Variants in PREPL observed in about 807,000 individuals in gnomAD.
PREPL encodes prolyl endopeptidase-like.
A neutral mutation model predicts 70.6 loss-of-function variants in PREPL; 77 were observed. That is an observed-to-expected ratio of 1.09 (90% CI 0.91 to 1.32). PREPL has a LOEUF of 1.32. PREPL is among the 40% of genes most tolerant of loss of function. PREPL has a pLI of 0.00. For missense variants in PREPL, 1,002 were observed against 778.2 expected (o/e 1.29, Z -3.42); for synonymous variants, 315 against 264.8 (o/e 1.19, Z -1.84).
intron 1 of PREPL, among the ~76,000 whole-genome samples, chr2:44,352,709 T>G (rs1387509727): frequency 6.6e-6 from 1 of 152,096 alleles, no homozygotes; most frequent in Non-Finnish European, 1.5e-5. Flanking sequence ...ATTTGCTGAG[T>G]TGAATAAAAT....
chr2:44,317,729 GAAA>G lies in PREPL; in HGVS notation c.*3624_*3626del, dbSNP rs1029534284. ...TTCAAATTTTCAAAGAATACTAGAAGAAAAAAATTATACAGTCAATCCAACAAA... is the reference window on the plus strand; with the variant it reads ...TTCAAATTTTCAAAGAATACTAGAAGAAAATTATACAGTCAATCCAACAAA... On this transcript the variant is annotated 3_prime_UTR_variant, in exon 14 of 14. Transcript: ENST00000409411. 3 of 151,408 alleles carry G rather than the reference GAAA, an allele frequency of 2.0e-5. No individual in the cohort carries two copies. The highest frequency in any genetic ancestry group is 4.4e-5 in the Non-Finnish European group (3 of 67,990). The allele number at this position is 151,408 out of a possible 1,614,324, so 9.4% of individuals were successfully genotyped here. A position where few individuals can be genotyped will look rare whatever the true frequency, so the allele number is the denominator to read the frequency against.
At chr2:44,348,745 C>A (rs1676087658) in intron 1 of PREPL, among the ~76,000 whole-genome samples, 1 of 152,164 alleles carries the variant, frequency 6.6e-6, no homozygotes, top group South Asian at 2.1e-4. Flanking sequence ...TCAAGCAGAA[C>A]TCAACAGCTT....
In PREPL at chr2:44,321,822, C is replaced by T. The variant is rs1672986669; in HGVS notation, c.1827+5G>A. On this transcript the variant is annotated splice_donor_5th_base_variant and intron_variant, in intron 13 of 13. Transcript: ENST00000409411. ...CTGTCCACTGAGAGGGCCTTGATAA[C>T]ATACCTTTTTGTGAGAATCCTCAAT... 1.2e-6 allele frequency: 2 copies of T among 1,613,808 alleles called. No homozygotes were observed. Among genetic ancestry groups the T allele is most frequent in the Middle Eastern group, 1.6e-4 (1 of 6,062 alleles).
chr2:44,325,450 C>T (rs891194221), intron 10 of PREPL, among the ~76,000 whole-genome samples: 1 of 152,174 alleles, frequency 6.6e-6, no homozygotes, highest in Non-Finnish European at 1.5e-5. Flanking sequence ...CCTACATTTT[C>T]CTAATGCCCT....
chr2:44,338,301 C>A, intron 7 of PREPL, 50 bp downstream of exon 7: 1 of 1,484,072 alleles, frequency 6.7e-7, no homozygotes, highest in Middle Eastern at 2.1e-4. Context: ...TTAAGCTAAA[C>A]TGCATAAATA....
rs1429952029 is a variant in PREPL, at chr2:44,320,540, G to T, written c.*816C>A. Reference sequence around the variant, plus strand: ...GACTCATCTTTGAACACAACACGAAGAATCTCCTTCATCGCCAAACAGCTT... The same window carrying T: ...GACTCATCTTTGAACACAACACGAATAATCTCCTTCATCGCCAAACAGCTT... On this transcript the variant is annotated 3_prime_UTR_variant, in exon 14 of 14. Transcript: ENST00000409411. 3.7e-6 allele frequency: 6 copies of T among 1,613,976 alleles called. No homozygotes were observed. The highest frequency in any genetic ancestry group is 3.3e-5 in the Admixed American group (2 of 59,996).
At chr2:44,329,484 T>C (rs1177742881) in intron 8 of PREPL, among the ~76,000 whole-genome samples, 1 of 152,232 alleles carries the variant, frequency 6.6e-6, no homozygotes, top group Non-Finnish European at 1.5e-5. Context: ...GCACTCTTCC[T>C]ATGCCTAAGA....
intron 2 of PREPL, among the ~76,000 whole-genome samples, chr2:44,345,949 C>T (rs1321536155): frequency 6.6e-6 from 1 of 151,758 alleles, no homozygotes; most frequent in Non-Finnish European, 1.5e-5. Flanking sequence ...CAAGATCAGC[C>T]AGGGCAACAC....
intron 2 of PREPL, among the ~76,000 whole-genome samples, chr2:44,345,114 T>A (rs1675649044): frequency 6.6e-6 from 1 of 152,188 alleles, no homozygotes; most frequent in South Asian, 2.1e-4. Context: ...CAAATACAAT[T>A]TGAAATTGAG....
chr2:44,357,477 G>A (rs1269411702), intron 1 of PREPL, among the ~76,000 whole-genome samples: 2 of 152,126 alleles, frequency 1.3e-5, no homozygotes, highest in African/African-American at 2.4e-5. Flanking sequence ...TCTCATAGAG[G>A]GAATGGTTGA....
intron 12 of PREPL, among the ~76,000 whole-genome samples, chr2:44,322,106 C>T (rs537581106): frequency 7.8e-4 from 118 of 152,082 alleles, no homozygotes; most frequent in Middle Eastern, 3.4e-3. Flanking sequence ...AGGAAGAGGC[C>T]GTATGGAAAA....
At chr2:44,345,459 C>A (rs113829835) in intron 2 of PREPL, among the ~76,000 whole-genome samples, 4,160 of 152,070 alleles carry the variant, frequency 0.027, 176 homozygotes, top group African/African-American at 0.094. Context: ...TCAAGTGATT[C>A]TCCTGCCTCG....
intron 5 of PREPL, among the ~76,000 whole-genome samples, chr2:44,339,997 TAA>T (rs1675041063): frequency 6.6e-6 from 1 of 152,096 alleles, no homozygotes. Flanking sequence ...TTTTTCCTTC[TAA>T]GTTATATTTA....
rs768704646 is a variant in PREPL at position 44,322,853 on chromosome 2, T to C, written c.1631A>G (p.His544Arg). The C allele has an allele frequency of 7.4e-6, 12 of 1,613,268 alleles. No homozygotes were observed. In the South Asian group the frequency reaches 9.9e-5, roughly 13 times the overall value. Residue 544 changes from histidine (H) to arginine (R), a missense_variant and splice_region_variant, in exon 12 of 14, where the codon CAT (histidine) becomes CGT (arginine). Transcript: ENST00000409411. ...TGCCGTTATGTGAATTGAAGGATAA[T>C]GCTGAAAGAAAATACATGCACGAAG... ...YCPYQNIKPQ[H>R]YPSIHITAYE...
At chr2:44,341,063 C>T (rs896932948) in intron 5 of PREPL, among the ~76,000 whole-genome samples, 5 of 151,724 alleles carry the variant, frequency 3.3e-5, no homozygotes, top group Non-Finnish European at 7.4e-5. Context: ...TTTACGTAAT[C>T]GAGACTGCTA....
At chr2:44,324,910 C>CA (rs975532573) in intron 10 of PREPL, among the ~76,000 whole-genome samples, 1 of 151,792 alleles carries the variant, frequency 6.6e-6, no homozygotes, top group Non-Finnish European at 1.5e-5. Context: ...CAAAACAAAA[C>CA]AAAAAAACAA....
chr2:44,350,965 C>G, intron 1 of PREPL, among the ~76,000 whole-genome samples: 1 of 150,342 alleles, frequency 6.7e-6, no homozygotes, highest in East Asian at 1.9e-4. Context: ...AACTCCCTGG[C>G]TTTTTTTTTG....
intron 6 of PREPL, among the ~76,000 whole-genome samples, chr2:44,338,882 G>A (rs954979020): frequency 6.6e-6 from 1 of 152,182 alleles, no homozygotes; most frequent in Non-Finnish European, 1.5e-5. Flanking sequence ...ATAAAATCAC[G>A]AGTTTGTAAG....
rs1558495899 is a variant in PREPL, at chr2:44,332,641, A to C, written c.904T>G (p.Cys302Gly). ...GAATTTGTATCCATTATGAATCCAC[A>C]GGCCCAAGGAGGGAGCTAAAGAAAT... The part of the protein sequence containing the change: ...VRSLKLPPWA[C>G]GFIMDTNSDP... Residue 302 changes from cysteine (C) to glycine (G), a missense_variant, in exon 8 of 14, where the codon TGT becomes GGT. By Grantham distance (159) the Cys-to-Gly change is radical. Coordinates refer to ENST00000409411, the MANE Select transcript of PREPL (RefSeq NM_001171613.2). 2 of 1,611,868 alleles carry C rather than the reference A, an allele frequency of 1.2e-6. No homozygotes were observed. The highest frequency in any genetic ancestry group is 1.7e-6 in the Non-Finnish European group (2 of 1,178,784).
Sources: gnomAD v4.1 joint callset for allele counts (sites outside exome capture counted in the v4.1 genomes callset) on GRCh38, gnomAD v4.1.1 for gene constraint, MANE v1.5 for transcripts, NCBI Gene and HGNC (gene_info 2026-07-23, HGNC 2026-07-21) for gene names.